Variants in KHDRBS2 observed in about 807,000 individuals in gnomAD.
The protein encoded by KHDRBS2 is KH domain-containing, RNA-binding, signal transduction-associated protein 2.
Under a neutral mutation model 44.3 loss-of-function variants are expected in KHDRBS2, and 26 were observed. The observed-to-expected ratio is 0.59, with a 90% CI of 0.43 to 0.81. The LOEUF (loss-of-function observed/expected upper bound fraction) is 0.81. KHDRBS2 is among the 40% of genes least tolerant of loss of function. The pLI, the probability that KHDRBS2 is intolerant of heterozygous loss-of-function variation, is 0.00. For missense variants in KHDRBS2, 476 were observed against 433.1 expected (o/e 1.10, Z -0.88); for synonymous variants, 194 against 151.1 (o/e 1.28, Z -2.08).
intron 7 of KHDRBS2, among the ~76,000 whole-genome samples, chr6:61,699,313 A>T (rs1166925802): frequency 6.6e-6 from 1 of 152,118 alleles, no homozygotes; most frequent in Non-Finnish European, 1.5e-5. Flanking sequence ...GGGCTAATTC[A>T]TGTATTTTTA....
intron 6 of KHDRBS2, among the ~76,000 whole-genome samples, chr6:61,760,424 G>C (rs552643394): frequency 2.6e-5 from 4 of 152,102 alleles, no homozygotes; most frequent in African/African-American, 9.7e-5. Flanking sequence ...CTTGAGCACA[G>C]GAGTTCAACT....
the KHDRBS2 span, among the ~76,000 whole-genome samples, chr6:61,673,025 A>G: frequency 6.6e-6 from 1 of 151,728 alleles, no homozygotes; most frequent in Non-Finnish European, 1.5e-5. Context: ...ATTTTTGTAT[A>G]AGGTGTAAGG....
intron 6 of KHDRBS2, among the ~76,000 whole-genome samples, chr6:61,775,514 C>A (rs1781807261): frequency 6.6e-6 from 1 of 151,952 alleles, no homozygotes; most frequent in African/African-American, 2.4e-5. Flanking sequence ...AAACAGAGAG[C>A]CAAATCATGA....
intron 3 of KHDRBS2, among the ~76,000 whole-genome samples, chr6:62,034,465 A>C (rs1052949885): frequency 6.6e-6 from 1 of 151,868 alleles, no homozygotes; most frequent in Non-Finnish European, 1.5e-5. Flanking sequence ...TAAAAAGATC[A>C]TTCATCATGC....
chr6:62,112,927 G>T (rs1317342286), intron 2 of KHDRBS2, among the ~76,000 whole-genome samples: 1 of 152,066 alleles, frequency 6.6e-6, no homozygotes, highest in African/African-American at 2.4e-5. Context: ...AAGTTGTGTT[G>T]GCTCTCTCTT....
At chr6:61,909,660 G>A (rs896291482) in intron 4 of KHDRBS2, among the ~76,000 whole-genome samples, 1 of 43,334 alleles carries the variant, frequency 2.3e-5, no homozygotes, top group African/African-American at 1.8e-4. Flanking sequence ...GCAGACAGAT[G>A]TTTGGATGTT....
intron 4 of KHDRBS2, among the ~76,000 whole-genome samples, chr6:61,929,989 A>G (rs181583411): frequency 1.3e-5 from 2 of 152,284 alleles, no homozygotes; most frequent in Admixed American, 1.3e-4. Flanking sequence ...ATGTGATAGT[A>G]TTAAGATGTA....
intron 2 of KHDRBS2, among the ~76,000 whole-genome samples, chr6:62,066,257 C>A (rs1250580609): frequency 6.6e-6 from 1 of 151,624 alleles, no homozygotes; most frequent in Non-Finnish European, 1.5e-5. Flanking sequence ...TTCTAGAGTT[C>A]TATACAGTTC....
intron 3 of KHDRBS2, among the ~76,000 whole-genome samples, chr6:62,003,486 T>A (rs2019573): frequency 0.78 from 118,111 of 151,598 alleles, 46,302 homozygotes; most frequent in Non-Finnish European, 0.81. Flanking sequence ...ATATGTATGC[T>A]CCCAATATAG....
intron 2 of KHDRBS2, among the ~76,000 whole-genome samples, chr6:62,126,200 C>T (rs182616056): frequency 1.3e-5 from 2 of 152,154 alleles, no homozygotes; most frequent in Admixed American, 1.3e-4. Flanking sequence ...ATTAGCGTAG[C>T]TTGGCAGTAT....
the KHDRBS2 span, among the ~76,000 whole-genome samples, chr6:61,612,169 G>A: frequency 1.3e-5 from 2 of 151,968 alleles, no homozygotes; most frequent in Non-Finnish European, 2.9e-5. Flanking sequence ...TACAGTGAAA[G>A]CATATATGTT....
the KHDRBS2 span, among the ~76,000 whole-genome samples, chr6:61,666,559 A>T: frequency 6.6e-6 from 1 of 151,414 alleles, no homozygotes; most frequent in Non-Finnish European, 1.5e-5. Flanking sequence ...TCTGCTTCTG[A>T]GTACACCAGA....
At chr6:61,793,156 A>G (rs1294285139) in intron 6 of KHDRBS2, among the ~76,000 whole-genome samples, 2 of 152,002 alleles carry the variant, frequency 1.3e-5, no homozygotes, top group Non-Finnish European at 2.9e-5. Context: ...TGGTGAAGCA[A>G]TGTGCTATTT....
intron 2 of KHDRBS2, among the ~76,000 whole-genome samples, chr6:62,109,788 G>C (rs186544149): frequency 6.6e-6 from 1 of 150,574 alleles, no homozygotes; most frequent in South Asian, 2.1e-4. Context: ...AAGGAAGAAA[G>C]AAAGGAAGGG....
At chr6:62,111,148 T>C (rs1157613925) in intron 2 of KHDRBS2, among the ~76,000 whole-genome samples, 1 of 152,158 alleles carries the variant, frequency 6.6e-6, no homozygotes, top group Non-Finnish European at 1.5e-5. Context: ...AGATATTTTA[T>C]GTGTCTTTTA....
chr6:62,002,188 T>TA (rs11324540), intron 3 of KHDRBS2, among the ~76,000 whole-genome samples: 11 of 150,398 alleles, frequency 7.3e-5, no homozygotes, highest in African/African-American at 2.2e-4. Context: ...CCACAGTGAT[T>TA]AAAAAAAAAA....
intron 3 of KHDRBS2, among the ~76,000 whole-genome samples, chr6:61,994,685 C>T (rs537558015): frequency 4.5e-4 from 68 of 152,138 alleles, no homozygotes; most frequent in Admixed American, 1.6e-3. Context: ...AGTTATGGGA[C>T]GTTTATTCAT....
intron 2 of KHDRBS2, among the ~76,000 whole-genome samples, chr6:62,113,407 T>C (rs1396089823): frequency 6.6e-6 from 1 of 152,084 alleles, no homozygotes. Context: ...AAACCCAGAA[T>C]TACCAAGTGT....
chr6:61,704,829 C>A (rs1278325604), intron 7 of KHDRBS2, among the ~76,000 whole-genome samples: 5 of 151,806 alleles, frequency 3.3e-5, no homozygotes, highest in African/African-American at 1.2e-4. Flanking sequence ...ATAATTTTCA[C>A]AATTGATCTC....
Sources: allele counts gnomAD v4.1 joint callset (sites outside exome capture counted in the v4.1 genomes callset), GRCh38; gene constraint gnomAD v4.1.1; transcripts MANE v1.5; gene names NCBI Gene and HGNC (gene_info 2026-07-23, HGNC 2026-07-21).